NGEF: variants seen among roughly 807,000 people sequenced by gnomAD.
NGEF encodes ephexin-1.
A neutral mutation model predicts 80.9 loss-of-function variants in NGEF; 31 were observed. That is an observed-to-expected ratio of 0.38 (90% CI 0.29 to 0.52). NGEF has a LOEUF of 0.52. Among genes scored for constraint, NGEF ranks in the 20% least tolerant of loss-of-function variants. The pLI is 0.84. For synonymous variants in NGEF, 371 were observed against 370.2 expected, an observed-to-expected ratio of 1.00 and a Z score of -0.03; for missense variants, 709 against 926.2, an observed-to-expected ratio of 0.77 and a Z score of 3.04.
chr2:232,987,603 C>A (rs1694558792), intron 1 of NGEF, among the ~76,000 whole-genome samples: 1 of 152,142 alleles, frequency 6.6e-6, no homozygotes, highest in African/African-American at 2.4e-5. Flanking sequence ...GCTGTGGAAC[C>A]CATGGGCCCA....
chr2:232,996,064 A>G (rs10197689), intron 1 of NGEF, among the ~76,000 whole-genome samples: 16,311 of 151,986 alleles, frequency 0.11, 2,923 homozygotes, highest in African/African-American at 0.37. Flanking sequence ...CCTGGCAGTC[A>G]ACATGAAAAG....
At chr2:232,903,123 C>G (rs1692404052) in intron 5 of NGEF, among the ~76,000 whole-genome samples, 1 of 152,214 alleles carries the variant, frequency 6.6e-6, no homozygotes, top group South Asian at 2.1e-4. Flanking sequence ...TGTGTGAAGG[C>G]AATTAGGCGA....
At chr2:232,880,704 G>A (rs1271938958) in intron 14 of NGEF, among the ~76,000 whole-genome samples, 1 of 152,230 alleles carries the variant, frequency 6.6e-6, no homozygotes, top group Non-Finnish European at 1.5e-5. Flanking sequence ...AGGAGCTGGG[G>A]GCGGCTTCTT....
At chr2:232,929,694 C>T (rs1693180122) in intron 3 of NGEF, among the ~76,000 whole-genome samples, 1 of 152,212 alleles carries the variant, frequency 6.6e-6, no homozygotes, top group Non-Finnish European at 1.5e-5. Flanking sequence ...TAGTGTGTTG[C>T]TCTGCTCACT....
chr2:232,891,467 C>T lies in NGEF; in HGVS notation c.1163G>A (p.Arg388Gln), dbSNP rs199823442. ...GAGCTCTAGCTGCGCGATCAGCTCCCGGAAAGCTGCCTTCTCCTGGCTGGG... is the reference window on the plus strand; with the variant it reads ...GAGCTCTAGCTGCGCGATCAGCTCCTGGAAAGCTGCCTTCTCCTGGCTGGG... ...KQLLQEKAAFRELIAQLELDP... is the reference protein window; with the variant it reads ...KQLLQEKAAFQELIAQLELDP... Residue 388 changes from arginine to glutamine, a missense_variant, in exon 8 of 15, where the codon CGG (arginine) becomes CAG (glutamine). Around this residue, in one of 2 missense-constraint regions of NGEF, gnomAD observed 426 missense variants for 622.9 expected, o/e 0.68. Coordinates refer to ENST00000264051, the MANE Select transcript of NGEF (RefSeq NM_019850.3). 9 of 1,612,962 alleles carry T rather than the reference C, an allele frequency of 5.6e-6. No homozygotes were observed. The East Asian group carries it at 6.7e-5, about 12-fold the overall frequency.
At chr2:233,001,510 G>A (rs1284687224) in intron 1 of NGEF, among the ~76,000 whole-genome samples, 2 of 152,160 alleles carry the variant, frequency 1.3e-5, no homozygotes, top group African/African-American at 2.4e-5. Flanking sequence ...AGGGTGCTGG[G>A]GCCTTGGTGG....
chr2:232,889,380 C>T (rs921631087), intron 8 of NGEF, among the ~76,000 whole-genome samples: 1 of 152,146 alleles, frequency 6.6e-6, no homozygotes, highest in Non-Finnish European at 1.5e-5. Flanking sequence ...TGGAGACTTG[C>T]CGTTCTCTCT....
chr2:232,894,894 G>A lies in NGEF; in HGVS notation c.851C>T (p.Ser284Phe), dbSNP rs1195912218. Reference sequence around the variant, plus strand: ...CAGACTCTTGTAGTAGGACGCCTCGGAAGTGACCAGCTCGAACATGGCCTG... The same window carrying A: ...CAGACTCTTGTAGTAGGACGCCTCGAAAGTGACCAGCTCGAACATGGCCTG... ...LQEAMFELVTSEASYYKSLNL... is the reference protein window; with the variant it reads ...LQEAMFELVTFEASYYKSLNL... Residue 284 changes from serine (S) to phenylalanine (F), a missense_variant, in exon 6 of 15, where the codon TCC becomes TTC. Coordinates refer to ENST00000264051, the MANE Select transcript of NGEF (RefSeq NM_019850.3). 1 of 1,595,972 alleles carries A rather than the reference G, an allele frequency of 6.3e-7. No homozygotes were observed. Among genetic ancestry groups the A allele is most frequent in the African/African-American group, 1.3e-5 (1 of 74,826 alleles).
intron 10 of NGEF, chr2:232,884,960 A>G: frequency 4.0e-6 from 1 of 247,502 alleles, no homozygotes; most frequent in Non-Finnish European, 7.7e-6. Flanking sequence ...CACCCCCCAC[A>G]TCCTCCATGT....
intron 5 of NGEF, among the ~76,000 whole-genome samples, chr2:232,918,395 C>T (rs137951540): frequency 7.9e-4 from 121 of 152,252 alleles, no homozygotes; most frequent in East Asian, 6.9e-3. Context: ...GCCACCACAC[C>T]GAGCCTCAAT....
At chr2:233,008,031 C>T (rs1380779014) in intron 1 of NGEF, among the ~76,000 whole-genome samples, 4 of 152,206 alleles carry the variant, frequency 2.6e-5, no homozygotes, top group Non-Finnish European at 5.9e-5. Flanking sequence ...CAGATGAGAG[C>T]AAAACTGTCT....
At chr2:232,899,858 T>G (rs1692235908) in intron 5 of NGEF, among the ~76,000 whole-genome samples, 1 of 137,358 alleles carries the variant, frequency 7.3e-6, no homozygotes, top group Non-Finnish European at 1.6e-5. Context: ...ACACACACGC[T>G]CTCACAGTCA....
intron 3 of NGEF, among the ~76,000 whole-genome samples, chr2:232,962,515 C>T (rs1693974235): frequency 6.6e-6 from 1 of 151,962 alleles, no homozygotes; most frequent in Non-Finnish European, 1.5e-5. Context: ...CACCACTGCA[C>T]TCTAGCCTGG....
intron 3 of NGEF, among the ~76,000 whole-genome samples, chr2:232,942,741 G>T (rs112625085): frequency 4.5e-4 from 68 of 149,486 alleles, no homozygotes; most frequent in Non-Finnish European, 2.7e-4. Context: ...GCGTGGAGGC[G>T]CACGCCTGTC....
Position 232,885,383 on chromosome 2 carries a change from G to T in NGEF, c.1348-14C>A. On this transcript the variant is annotated splice_polypyrimidine_tract_variant and intron_variant, in intron 9 of 14. Coordinates refer to ENST00000264051, the MANE Select transcript of NGEF (RefSeq NM_019850.3). ...TGCCTTCACCACCTGGGACAAGAAG[G>T]AGGGCACATCAGGCCACCAAAGCCG... The T allele has an allele frequency of 6.2e-7, 1 of 1,612,426 alleles. No individual in the cohort carries two copies.
At chr2:232,925,598 C>G (rs887393640) in intron 4 of NGEF, among the ~76,000 whole-genome samples, 2 of 152,124 alleles carry the variant, frequency 1.3e-5, no homozygotes, top group Non-Finnish European at 2.9e-5. Context: ...CCAAGAAAGA[C>G]AGCTCCACAC....
In NGEF at chr2:232,999,945, G is replaced by C. The variant is rs1025996597; in HGVS notation, c.-75+13123C>G. On this transcript the variant is annotated intron_variant, in intron 1 of 14. Transcript: ENST00000264051. ...GGCTAAAAATGACAACACTAATATT[G>C]GTGTCTTAGTCTGCTAACACTGCCA... Among the ~76,000 whole-genome samples the C allele has an allele frequency of 3.3e-5, 5 of 152,320 alleles. No homozygotes were observed. The Middle Eastern group carries it at 0.01, about 313-fold the overall frequency.
At chr2:232,993,836 T>C (rs563310367) in intron 1 of NGEF, among the ~76,000 whole-genome samples, 1 of 152,272 alleles carries the variant, frequency 6.6e-6, no homozygotes, top group East Asian at 1.9e-4. Flanking sequence ...TATTGTATGA[T>C]TGCATTTATA....
chr2:232,982,305 G>T (rs1038824710), intron 1 of NGEF, among the ~76,000 whole-genome samples: 1 of 152,158 alleles, frequency 6.6e-6, no homozygotes, highest in African/African-American at 2.4e-5. Flanking sequence ...GAGACAGGGG[G>T]ACAGCATGGT....
Sources: gnomAD v4.1 joint callset for allele counts (sites outside exome capture counted in the v4.1 genomes callset) on GRCh38, gnomAD v4.1.1 for gene constraint, gnomAD v4.1.1 regional missense constraint, MANE v1.5 for transcripts, NCBI Gene and HGNC (gene_info 2026-07-23, HGNC 2026-07-21) for gene names.